Variants in PKLR observed in about 807,000 individuals in gnomAD.
PKLR encodes the protein pyruvate kinase PKLR.
A neutral mutation model predicts 53.6 loss-of-function variants in PKLR; 38 were observed. The observed-to-expected ratio is 0.71, with a 90% CI of 0.55 to 0.93. The LOEUF (loss-of-function observed/expected upper bound fraction) is 0.93, where lower values mean the gene tolerates loss of function less well. Among genes scored for constraint, PKLR ranks in the 40% least tolerant of loss-of-function variants. PKLR has a pLI of 0.00. For missense variants in PKLR, 702 were observed against 787.3 expected (o/e 0.89, Z 1.30); for synonymous variants, 328 against 316.2 (o/e 1.04, Z -0.39).
At position 155,294,190 on chromosome 1, in the gene PKLR, C is replaced by T. The variant is rs1189622601; in HGVS notation, c.1116+45G>A. The T allele has an allele frequency of 5.6e-6, 9 of 1,604,482 alleles. No individual in the cohort carries two copies. The African/African-American group carries it at 1.2e-4, about 21-fold the overall frequency. On this transcript the variant is annotated intron_variant, in intron 7 of 10. Transcript: ENST00000342741. ...AGTGTGGGTATTCACCCACAGGTGT[C>T]CCTAAAACCCACAGAGTGCCGAACC...
chr1:155,307,983 A>G, the PKLR span, among the ~76,000 whole-genome samples: 2 of 151,730 alleles, frequency 1.3e-5, no homozygotes, highest in Non-Finnish European at 2.9e-5. Flanking sequence ...TGCCATGTTG[A>G]CCAGGCTGGT....
At chr1:155,294,807 C>T in intron 5 of PKLR, 55 bp from the exon 6 acceptor site, 2 of 1,604,372 alleles carry the variant, frequency 1.2e-6, no homozygotes, top group East Asian at 2.2e-5. Context: ...GGCACAGTTG[C>T]AGCAGAGAGG....
Position 155,294,495 on chromosome 1 carries a change from C to G in PKLR, c.952G>C (p.Glu318Gln). The G allele has an allele frequency of 1.2e-6, 2 of 1,614,236 alleles. No individual in the cohort carries two copies. Among genetic ancestry groups the G allele is most frequent in the Middle Eastern group, 1.6e-4 (1 of 6,062 alleles). Residue 318 changes from glutamate (E) to glutamine (Q), a missense_variant, in exon 6 of 11, where the codon GAA becomes CAA. Physicochemically the swap from Glu to Gln is conservative, Grantham distance 29 (BLOSUM62 2). Coordinates refer to ENST00000342741, the MANE Select transcript of PKLR (RefSeq NM_000298.6). ...IKIISKIENH[E>Q]GVKRFDEILE... ...CCCAAGCCTCACCTCTTCACGCCTT[C>G]GTGGTTCTCAATTTTGCTGATGATC...
At position 155,290,061 on chromosome 1, in the gene PKLR, T is replaced by C. The variant is rs1008521813; in HGVS notation, c.*511A>G. On this transcript the variant is annotated 3_prime_UTR_variant, in exon 11 of 11. Transcript: ENST00000342741. ...TCTCCCCAGCATCCATCCCACCCAG[T>C]TTTCCCAAAAGCGTGGACTTTCATG... is the stretch of plus-strand genomic sequence containing the variant. The C allele has an allele frequency of 1.8e-5, 3 of 169,436 alleles. No homozygotes were observed. The highest frequency in any genetic ancestry group is 2.6e-5 in the Non-Finnish European group (2 of 78,174). 10.5% of individuals were successfully genotyped at this position (169,436 alleles called of 1,614,324 possible). A position where few individuals can be genotyped will look rare whatever the true frequency, so the allele number is the denominator to read the frequency against.
chr1:155,300,305 C>T, intron 1 of PKLR, 25 bp from the exon 2 acceptor site: 1 of 1,556,114 alleles, frequency 6.4e-7, no homozygotes. Context: ...GGCTCAGGGA[C>T]TGCATGTCAC....
chr1:155,298,998 CTTTCT>C (rs1557963107), intron 2 of PKLR, among the ~76,000 whole-genome samples: 13 of 98,738 alleles, frequency 1.3e-4, no homozygotes, highest in Non-Finnish European at 2.1e-4. Flanking sequence ...TTCTTTCTTT[CTTTCT>C]TTCTTTCTTT....
At chr1:155,301,987 C>A (rs899298403), upstream of PKLR, among the ~76,000 whole-genome samples, 2 of 152,096 alleles carry the variant, frequency 1.3e-5, no homozygotes, top group Non-Finnish European at 2.9e-5. Context: ...TTTTGCTAAA[C>A]TTATAGACTC....
chr1:155,294,539 G>A lies in PKLR; in HGVS notation c.908C>T (p.Pro303Leu), dbSNP rs746566827. 7 of 1,614,080 alleles carry A rather than the reference G, an allele frequency of 4.3e-6. No homozygotes were observed. In the African/African-American group the frequency reaches 9.3e-5, roughly 22 times the overall value. Residue 303 changes from proline to leucine, a missense_variant, in exon 6 of 11, where the codon CCG becomes CTG. Physicochemically the swap from Pro to Leu is moderately conservative, Grantham distance 98. Around this residue, in one of 2 missense-constraint regions of PKLR, gnomAD observed 519 missense variants for 537.1 expected, o/e 0.97. Coordinates refer to ENST00000342741, the MANE Select transcript of PKLR (RefSeq NM_000298.6). The part of the protein sequence containing the change: ...DVAAVRAALG[P>L]EGHGIKIISK... ...GATGATCTTGATGCCGTGTCCTTCC[G>A]GACCCAGAGCAGCCCTGACGGCAGC...
In PKLR at chr1:155,291,833, G is replaced by C; in HGVS notation, c.1541C>G (p.Pro514Arg). 1.9e-6 allele frequency: 3 copies of C among 1,614,124 alleles called. No homozygotes were observed. Among genetic ancestry groups the C allele is most frequent in the Non-Finnish European group, 2.5e-6 (3 of 1,180,000 alleles). Residue 514 changes from proline (P) to arginine (R), a missense_variant, in exon 10 of 11, where the codon CCC (proline) becomes CGC (arginine). Coordinates refer to ENST00000342741, the MANE Select transcript of PKLR (RefSeq NM_000298.6). ...RQVHLCRGVFPLLYREPPEAI... is the reference protein window; with the variant it reads ...RQVHLCRGVFRLLYREPPEAI... ...TTCTGGAGGTTCACGGTAAAGCAAGGGGAAGACTCCTCGGCATAAGTGGAC... is the reference window on the plus strand; with the variant it reads ...TTCTGGAGGTTCACGGTAAAGCAAGCGGAAGACTCCTCGGCATAAGTGGAC...
intron 10 of PKLR, among the ~76,000 whole-genome samples, 166 bp from the exon 11 acceptor site, chr1:155,290,844 C>T (rs1674500168): frequency 6.6e-6 from 1 of 151,682 alleles, no homozygotes; most frequent in African/African-American, 2.4e-5. Flanking sequence ...CAAAAATTAG[C>T]TGGGTGTGGT....
Position 155,295,032 on chromosome 1 carries a change from C to A in PKLR, c.694+84G>T. On this transcript the variant is annotated intron_variant, in intron 5 of 10. Coordinates refer to ENST00000342741, the MANE Select transcript of PKLR (RefSeq NM_000298.6). The surrounding 1 kb of genome is among the most constrained non-coding windows in gnomAD (Gnocchi z 4.3). The stretch of plus-strand genomic sequence containing the variant: ...ACGCGTGGCCAGGGGAAGGTGTGAT[C>A]GGTCTGAGGGCTGATGGGGGAGCCA... The A allele has an allele frequency of 6.9e-7, 1 of 1,454,362 alleles. No homozygotes were observed. The highest frequency in any genetic ancestry group is 9.5e-7 in the Non-Finnish European group (1 of 1,052,654). 90.1% of individuals were successfully genotyped at this position (1,454,362 alleles called of 1,614,324 possible).
the PKLR span, among the ~76,000 whole-genome samples, chr1:155,307,167 C>G: frequency 6.6e-6 from 1 of 152,310 alleles, no homozygotes; most frequent in Admixed American, 6.5e-5. Flanking sequence ...CCCACCTTGG[C>G]CTCCCAAAGC....
the PKLR span, among the ~76,000 whole-genome samples, chr1:155,306,932 G>A: frequency 2.2e-3 from 329 of 152,202 alleles, 2 homozygotes; most frequent in African/African-American, 7.3e-3. This position sits in a 1 kb window ranked among gnomAD's most constrained non-coding sequence, Gnocchi z 4.2. Flanking sequence ...TGTTAAGGCC[G>A]CGCATCTGGA....
At chr1:155,291,077 C>T (rs1478977325) in intron 10 of PKLR, among the ~76,000 whole-genome samples, 1 of 151,496 alleles carries the variant, frequency 6.6e-6, no homozygotes, top group Non-Finnish European at 1.5e-5. Flanking sequence ...CATTGAGGGA[C>T]CAGGCCAGCC....
intron 2 of PKLR, among the ~76,000 whole-genome samples, chr1:155,298,744 C>T (rs1647743926): frequency 6.6e-6 from 1 of 151,902 alleles, no homozygotes; most frequent in South Asian, 2.1e-4. Flanking sequence ...CGGGTTCAAG[C>T]GATTCCCCTG....
rs368150636 is a variant in PKLR, at chr1:155,290,569, G to A, written c.*3C>T. 43 of 1,582,904 alleles carry A rather than the reference G, an allele frequency of 2.7e-5. No homozygotes were observed. The highest frequency in any genetic ancestry group is 1.0e-4 in the Admixed American group (6 of 59,950). On this transcript the variant is annotated 3_prime_UTR_variant, in exon 11 of 11. Transcript: ENST00000342741. Reference sequence around the variant, plus strand: ...AGGCTGGGCCAGAGGAGGGAGGGGCGTCTCAGGATATGCTTAGCACCCGCA... The same window carrying A: ...AGGCTGGGCCAGAGGAGGGAGGGGCATCTCAGGATATGCTTAGCACCCGCA...
chr1:155,294,647 T>TGCTCGGACAGCCC lies in PKLR; in HGVS notation c.787_799dup (p.Gln267ArgfsTer53). 6.2e-7 allele frequency: 1 copy of TGCTCGGACAGCCC among 1,614,172 alleles called. No homozygotes were observed. The highest frequency in any genetic ancestry group is 1.3e-5 in the African/African-American group (1 of 75,072). ...CCCGAAGCGCAGGTCTCGGACGTCCTGCTCGGACAGCCCGGGCAAGTCCAC... is the reference window on the plus strand; with the variant it reads ...CCCGAAGCGCAGGTCTCGGACGTCCTGCTCGGACAGCCCGCTCGGACAGCCCGGGCAAGTCCAC... On this transcript the variant is annotated frameshift_variant, in exon 6 of 11. Transcript: ENST00000342741. LOFTEE classifies it high-confidence loss of function.
rs767437601 is a variant in PKLR, at chr1:155,295,349, G to A, written c.508-47C>T. 3.7e-6 allele frequency: 6 copies of A among 1,612,992 alleles called. No homozygotes were observed. The highest frequency in any genetic ancestry group is 5.1e-6 in the Non-Finnish European group (6 of 1,179,494). On this transcript the variant is annotated intron_variant, in intron 4 of 10. Coordinates refer to ENST00000342741, the MANE Select transcript of PKLR (RefSeq NM_000298.6). This position sits in a 1 kb window ranked among gnomAD's most constrained non-coding sequence, Gnocchi z 4.3. Reference sequence around the variant, plus strand: ...ATGTGAGTTCTGAGCCCCGGAGTCCGGGACCCGCCCCTGCCCACGCCTGGG... The same window carrying A: ...ATGTGAGTTCTGAGCCCCGGAGTCCAGGACCCGCCCCTGCCCACGCCTGGG...
chr1:155,297,262 C>T (rs1309488658), intron 2 of PKLR, among the ~76,000 whole-genome samples: 1 of 152,160 alleles, frequency 6.6e-6, no homozygotes, highest in Non-Finnish European at 1.5e-5. Context: ...CCCTCTATCA[C>T]ATTTGGATGG....
Sources: gnomAD v4.1 joint callset for allele counts (sites outside exome capture counted in the v4.1 genomes callset) on GRCh38, gnomAD v4.1.1 for gene constraint, gnomAD v4.1.1 regional missense constraint, Gnocchi (gnomAD v3.1) non-coding constraint, MANE v1.5 for transcripts, NCBI Gene and HGNC (gene_info 2026-07-23, HGNC 2026-07-21) for gene names.